NRF1: variants seen among roughly 807,000 people sequenced by gnomAD.
NRF1 encodes alpha palindromic-binding protein.
NRF1 carries 5 observed loss-of-function variants against 58.5 expected under a neutral mutation model. The ratio of observed to expected loss-of-function variants is 0.09; its 90% CI spans 0.04 to 0.18. NRF1 has a LOEUF of 0.18. Ranked by LOEUF, NRF1 falls within the 10% of genes least tolerant of loss-of-function variation. The pLI, the probability that NRF1 is intolerant of heterozygous loss-of-function variation, is 1.00. For synonymous variants in NRF1, 224 were observed against 246.7 expected, an observed-to-expected ratio of 0.91 and a Z score of 0.86; for missense variants, 288 against 657.7, an observed-to-expected ratio of 0.44 and a Z score of 6.15.
intron 1 of NRF1, among the ~76,000 whole-genome samples, chr7:129,652,658 G>A (rs1476663255): frequency 2.0e-5 from 3 of 151,982 alleles, no homozygotes; most frequent in South Asian, 2.1e-4. Flanking sequence ...GTGCAGTGGC[G>A]CATCTCACTG....
chr7:129,712,998 T>C (rs192443135), intron 8 of NRF1, among the ~76,000 whole-genome samples: 31 of 152,334 alleles, frequency 2.0e-4, no homozygotes, highest in Admixed American at 5.9e-4. Context: ...TGAATGTTTC[T>C]TGGTACTATT....
chr7:129,661,762 C>G (rs1180477264), intron 2 of NRF1, among the ~76,000 whole-genome samples: 1 of 151,010 alleles, frequency 6.6e-6, no homozygotes, highest in African/African-American at 2.5e-5. Context: ...GCCCTCCAAA[C>G]TGTTCCAACC....
chr7:129,710,607 T>A, intron 7 of NRF1, 36 bp downstream of exon 7: 1 of 1,100,572 alleles, frequency 9.1e-7, no homozygotes, highest in Non-Finnish European at 1.4e-6. Context: ...CTGTGGCTTC[T>A]GAGATGGATC....
chr7:129,673,687 C>A lies in NRF1; in HGVS notation c.338+2144C>A, dbSNP rs1385122957. ...AGCGGAGATCGCGCCACAGCACTCC[C>A]GCCTGGGCGACAGAGCGAGACTCCG... On this transcript the variant is annotated intron_variant, in intron 3 of 10. Transcript: ENST00000393232. Among the ~76,000 whole-genome samples the A allele has an allele frequency of 7.1e-3, 921 of 130,004 alleles. 6 individuals carry two copies. Among genetic ancestry groups the A allele is most frequent in the Admixed American group, 8.1e-3 (94 of 11,614 alleles). The allele number at this position is 130,004 out of a possible 152,430, so 85.3% of individuals were successfully genotyped here.
chr7:129,624,264 T>C (rs1224774084), intron 1 of NRF1, among the ~76,000 whole-genome samples: 1 of 152,186 alleles, frequency 6.6e-6, no homozygotes. Context: ...GGTGGTCATA[T>C]ATATATAATT....
chr7:129,673,882 A>G (rs1280161605), intron 3 of NRF1, among the ~76,000 whole-genome samples: 3 of 149,342 alleles, frequency 2.0e-5, no homozygotes, highest in Admixed American at 6.6e-5. Flanking sequence ...GCTCATGCCT[A>G]TAATCCCAGC....
intron 1 of NRF1, among the ~76,000 whole-genome samples, chr7:129,627,546 A>G (rs1247111485): frequency 6.6e-6 from 1 of 152,052 alleles, no homozygotes; most frequent in Non-Finnish European, 1.5e-5. Flanking sequence ...TTGTATCCTG[A>G]TCCTCAAGAC....
At chr7:129,659,239 C>T (rs1017755068) in intron 2 of NRF1, among the ~76,000 whole-genome samples, 2 of 151,990 alleles carry the variant, frequency 1.3e-5, no homozygotes, top group Non-Finnish European at 2.9e-5. Context: ...TCACCATGCC[C>T]AGCTAATTTT....
intron 10 of NRF1, among the ~76,000 whole-genome samples, chr7:129,751,079 C>T (rs567133827): frequency 4.3e-4 from 66 of 152,298 alleles, no homozygotes; most frequent in African/African-American, 1.5e-3. Context: ...GGAGCCTGTA[C>T]AGGGAGCAGA....
At chr7:129,639,160 A>T (rs1358069065) in intron 1 of NRF1, among the ~76,000 whole-genome samples, 1 of 151,974 alleles carries the variant, frequency 6.6e-6, no homozygotes, top group East Asian at 2.0e-4. Flanking sequence ...CCATGGCTTT[A>T]CTGATCCTCC....
At chr7:129,754,996 G>C (rs375065683) in intron 10 of NRF1, 22 bp from the exon 11 acceptor site, 4 of 1,561,712 alleles carry the variant, frequency 2.6e-6, no homozygotes, top group Non-Finnish European at 3.5e-6. Context: ...CCCCACCAAC[G>C]GTCTTCTCTT....
chr7:129,625,654 C>T (rs908553157), intron 1 of NRF1, among the ~76,000 whole-genome samples: 4 of 150,698 alleles, frequency 2.7e-5, no homozygotes, highest in South Asian at 4.2e-4. Context: ...GCATGTGCCA[C>T]CATGCCCGGC....
chr7:129,682,660 G>T (rs1176749987), intron 4 of NRF1, among the ~76,000 whole-genome samples: 1 of 151,030 alleles, frequency 6.6e-6, no homozygotes, highest in South Asian at 2.1e-4. Flanking sequence ...AAAGGATCTG[G>T]GTGTGGTGGT....
At chr7:129,745,786 G>T (rs1446544672) in intron 10 of NRF1, among the ~76,000 whole-genome samples, 1 of 152,228 alleles carries the variant, frequency 6.6e-6, no homozygotes, top group African/African-American at 2.4e-5. Context: ...GGCATTGCCA[G>T]TAATTTCAAG....
At chr7:129,729,262 GCCAAGTAGAA>G (rs1803523700) in intron 10 of NRF1, among the ~76,000 whole-genome samples, 1 of 152,134 alleles carries the variant, frequency 6.6e-6, no homozygotes, top group Non-Finnish European at 1.5e-5. Context: ...CTGGCTCTCG[GCCAAGTAGAA>G]CCGTTCAGCC....
intron 8 of NRF1, among the ~76,000 whole-genome samples, chr7:129,713,799 C>T (rs1157791097): frequency 6.6e-6 from 1 of 152,210 alleles, no homozygotes; most frequent in Non-Finnish European, 1.5e-5. Flanking sequence ...TCAGGAAACA[C>T]TTCCCAGAGG....
At chr7:129,701,091 TATTTAC>T (rs1802814196) in intron 5 of NRF1, among the ~76,000 whole-genome samples, 1 of 152,120 alleles carries the variant, frequency 6.6e-6, no homozygotes, top group African/African-American at 2.4e-5. Flanking sequence ...ACTAAGGAAA[TATTTAC>T]ATTTATATGA....
At chr7:129,622,479 A>G (rs1259998695) in intron 1 of NRF1, among the ~76,000 whole-genome samples, 1 of 152,166 alleles carries the variant, frequency 6.6e-6, no homozygotes, top group Non-Finnish European at 1.5e-5. Context: ...TGTCATGTTC[A>G]TTGTAGAAAA....
intron 1 of NRF1, among the ~76,000 whole-genome samples, chr7:129,631,472 T>C (rs542533057): frequency 3.3e-5 from 5 of 152,254 alleles, no homozygotes; most frequent in Non-Finnish European, 5.9e-5. Context: ...CTCGCTATAT[T>C]GCCCAGGCTG....
Sources: allele counts gnomAD v4.1 joint callset (sites outside exome capture counted in the v4.1 genomes callset), GRCh38; gene constraint gnomAD v4.1.1; transcripts MANE v1.5; gene names NCBI Gene and HGNC (gene_info 2026-07-23, HGNC 2026-07-21).